The following HDGFL3 variants were observed in gnomAD, a reference collection of about 807,000 sequenced individuals.
The protein encoded by HDGFL3 is hepatoma-derived growth factor-related protein 3.
A neutral mutation model predicts 27.6 loss-of-function variants in HDGFL3; 6 were observed. That is an observed-to-expected ratio of 0.22 (90% confidence interval 0.12 to 0.43). HDGFL3 has a LOEUF of 0.43. HDGFL3 is among the 20% of genes least tolerant of loss of function. The pLI, the probability that HDGFL3 is intolerant of heterozygous loss-of-function variation, is 1.00. For missense variants in HDGFL3, 207 were observed against 250.1 expected (o/e 0.83, Z 1.16); for synonymous variants, 88 against 88.9 (o/e 0.99, Z 0.05).
chr15:83,161,035 A>G (rs1484469898), intron 2 of HDGFL3, among the ~76,000 whole-genome samples: 1 of 152,214 alleles, frequency 6.6e-6, no homozygotes, highest in African/African-American at 2.4e-5. Context: ...GATAAACTGA[A>G]CACAATAAAT....
At chr15:83,164,367 C>CAAAAAAAAAAAAAAAGAAAAAA (rs2037139011) in intron 1 of HDGFL3, among the ~76,000 whole-genome samples, 1 of 38,380 alleles carries the variant, frequency 2.6e-5, no homozygotes, top group Non-Finnish European at 4.8e-5. Flanking sequence ...TTAGAGTAAC[C>CAAAAAAAAAAAAAAAGAAAAAA]AAAAAAAAAA....
intron 4 of HDGFL3, 37 bp downstream of exon 4, chr15:83,157,378 A>C (rs1044289380): frequency 1.3e-6 from 2 of 1,562,144 alleles, no homozygotes; most frequent in Non-Finnish European, 1.8e-6. Context: ...ATGGATATGC[A>C]TATAACATTA....
Position 83,207,375 on chromosome 15 carries a change from G to A in HDGFL3, c.40C>T (p.Leu14=), listed in dbSNP as rs944412563. ...PRPREYKAGD[L]VFAKMKGYPH... ...TAGCCCTTCATCTTGGCGAAGACCA[G>A]GTCGCCCGCTTTGTACTCGCGGGGC... Residue 14 remains leucine, a synonymous_variant, in exon 1 of 6, where the codon CTG becomes TTG. Coordinates refer to ENST00000299633, the MANE Select transcript of HDGFL3 (RefSeq NM_016073.4). The surrounding 1 kb of genome is among the most constrained non-coding windows in gnomAD (Gnocchi z 4.8). 6.4e-6 allele frequency: 9 copies of A among 1,403,764 alleles called. No homozygotes were observed. The highest frequency in any genetic ancestry group is 7.5e-6 in the Non-Finnish European group (8 of 1,072,648). The allele number at this position is 1,403,764 out of a possible 1,614,324, so 87.0% of individuals were successfully genotyped here.
chr15:83,178,649 C>A (rs1596560810), intron 1 of HDGFL3, among the ~76,000 whole-genome samples: 1 of 151,920 alleles, frequency 6.6e-6, no homozygotes, highest in East Asian at 1.9e-4. Flanking sequence ...GAGTGAGACC[C>A]TGTCTCAAAA....
At position 83,119,587 on chromosome 15, in the gene HDGFL3, T is replaced by C. The variant is rs760690303; in HGVS notation, c.394-3846A>G. 1.1e-5 allele frequency: 17 copies of C among 1,614,082 alleles called. No individual in the cohort carries two copies. The Admixed American group carries it at 2.0e-4, about 19-fold the overall frequency. On this transcript the variant is annotated intron_variant, in intron 3 of 3. Transcript: ENST00000568294. ...TTAATGCTTTCTTTAGGGTGAACCG[T>C]ATCTGAACACCGCATATGGGCACAT...
chr15:83,127,322 A>C, downstream of HDGFL3: 1 of 1,540,036 alleles, frequency 6.5e-7, no homozygotes, highest in Non-Finnish European at 8.7e-7. Flanking sequence ...GTTAACTGCC[A>C]ATTTGCTGAT....
At chr15:83,187,146 T>C (rs756649637) in intron 1 of HDGFL3, among the ~76,000 whole-genome samples, 1 of 150,362 alleles carries the variant, frequency 6.7e-6, no homozygotes, top group African/African-American at 2.5e-5. Context: ...GAAGCTACTT[T>C]TCTTGGAAAT....
chr15:83,160,392 G>A (rs781660449), intron 2 of HDGFL3, among the ~76,000 whole-genome samples: 4 of 151,952 alleles, frequency 2.6e-5, no homozygotes, highest in African/African-American at 7.3e-5. Context: ...TCACCATGTT[G>A]GCCAGGATGG....
downstream of HDGFL3, among the ~76,000 whole-genome samples, chr15:83,124,455 C>T (rs1441132926): frequency 1.3e-5 from 2 of 151,974 alleles, no homozygotes; most frequent in East Asian, 1.9e-4. Flanking sequence ...AAGAGCCCTT[C>T]GAGAGATCAT....
In HDGFL3 at chr15:83,151,349, G is replaced by C. The variant is rs1225283916; in HGVS notation, c.472C>G (p.Gln158Glu). The C allele has an allele frequency of 6.2e-7, 1 of 1,607,842 alleles. No individual in the cohort carries two copies. Among genetic ancestry groups the C allele is most frequent in the Non-Finnish European group, 8.5e-7 (1 of 1,178,110 alleles). Residue 158 changes from glutamine (Q) to glutamate (E), a missense_variant, in exon 5 of 6, where the codon CAG becomes GAG. Gln to Glu is a conservative substitution (Grantham distance 29, BLOSUM62 2). Transcript: ENST00000299633. ...KSYTSKKSSK[Q>E]SRKSPGDEDD... is the part of the protein sequence containing the mutation. ...TCATCTCCTGGAGATTTCCGGGACT[G>C]TTTAGAGGATTTCTAAATGTTTAGA...
At chr15:83,176,370 TCAGG>T (rs2037311149) in intron 1 of HDGFL3, among the ~76,000 whole-genome samples, 1 of 152,236 alleles carries the variant, frequency 6.6e-6, no homozygotes, top group African/African-American at 2.4e-5. Flanking sequence ...ATAAGAATTT[TCAGG>T]AAATAAAAAA....
chr15:83,126,686 T>G (rs759622324), downstream of HDGFL3: 94 of 1,294,228 alleles, frequency 7.3e-5, no homozygotes, highest in Non-Finnish European at 1.0e-4. Context: ...CTGGCACATT[T>G]AGCCTTATCA....
chr15:83,126,855 A>C (rs771988826), downstream of HDGFL3: 6 of 1,595,772 alleles, frequency 3.8e-6, no homozygotes, highest in East Asian at 1.3e-4. Flanking sequence ...CAGGTCAAGT[A>C]GTTATGAAGC....
rs1306966401 is a variant in HDGFL3, at chr15:83,135,509, G to C, written c.*3761C>G. 2.0e-5 allele frequency: 3 copies of C among 152,140 alleles called. No homozygotes were observed. Among genetic ancestry groups the C allele is most frequent in the Admixed American group, 2.0e-4 (3 of 15,270 alleles). The allele number at this position is 152,140 out of a possible 1,614,324, so 9.4% of individuals were successfully genotyped here. ...TGTATCTTGAATTTCAGCAAGATAT[G>C]AAAATGCAGACTCCAGGGGTACATT... On this transcript the variant is annotated 3_prime_UTR_variant, in exon 6 of 6. Transcript: ENST00000299633.
rs1443452560 is a variant in HDGFL3 at position 83,130,081 on chromosome 15, C to T, written c.*9189G>A. 2 of 152,200 alleles carry T rather than the reference C, an allele frequency of 1.3e-5. No individual in the cohort carries two copies. The allele number at this position is 152,200 out of a possible 1,614,324, so 9.4% of individuals were successfully genotyped here. On this transcript the variant is annotated 3_prime_UTR_variant, in exon 6 of 6. Coordinates refer to ENST00000299633, the MANE Select transcript of HDGFL3 (RefSeq NM_016073.4). Reference sequence around the variant, plus strand: ...GTGCCTGGTCGGCCTGGTACCAGTCCCTGATGCAGGAATGCTAAGTGTCAT... The same window carrying T: ...GTGCCTGGTCGGCCTGGTACCAGTCTCTGATGCAGGAATGCTAAGTGTCAT...
intron 1 of HDGFL3, among the ~76,000 whole-genome samples, chr15:83,203,354 T>C (rs1287524490): frequency 2.0e-5 from 3 of 152,064 alleles, no homozygotes; most frequent in Admixed American, 6.5e-5. Context: ...GTTGACACTA[T>C]TAATAGTATT....
chr15:83,146,920 T>C (rs1188796975), intron 5 of HDGFL3, among the ~76,000 whole-genome samples: 4 of 152,170 alleles, frequency 2.6e-5, no homozygotes, highest in Admixed American at 6.5e-5. Context: ...CTTAAGAAAA[T>C]AGAAGCAATC....
rs944978469 is a variant in HDGFL3 at position 83,128,245 on chromosome 15, T to A, written c.*11025A>T. The A allele has an allele frequency of 6.6e-6, 1 of 152,228 alleles. No homozygotes were observed. The highest frequency in any genetic ancestry group is 2.4e-5 in the African/African-American group (1 of 41,454). The allele number at this position is 152,228 out of a possible 1,614,324, so 9.4% of individuals were successfully genotyped here. ...TGTACAGTCAATTATATGCATGGTA[T>A]AATAATCATGATCGTAAGACATACT... On this transcript the variant is annotated 3_prime_UTR_variant, in exon 6 of 6. Coordinates refer to ENST00000299633, the MANE Select transcript of HDGFL3 (RefSeq NM_016073.4).
In HDGFL3 at chr15:83,134,605, A is replaced by C. The variant is rs2036490015; in HGVS notation, c.*4665T>G. The C allele has an allele frequency of 6.6e-6, 1 of 152,236 alleles. No homozygotes were observed. The highest frequency in any genetic ancestry group is 1.9e-4 in the East Asian group (1 of 5,196). 9.4% of individuals were successfully genotyped at this position (152,236 alleles called of 1,614,324 possible). A position where few individuals can be genotyped will look rare whatever the true frequency, so the allele number is the denominator to read the frequency against. ...ACTGGTTAGTGCAGGAAAAGAGCCT[A>C]CGGAATCACTGACTTTTTACACAGG... On this transcript the variant is annotated 3_prime_UTR_variant, in exon 6 of 6. Coordinates refer to ENST00000299633, the MANE Select transcript of HDGFL3 (RefSeq NM_016073.4).
Sources: gnomAD v4.1 joint callset for allele counts (sites outside exome capture counted in the v4.1 genomes callset) on GRCh38, gnomAD v4.1.1 for gene constraint, Gnocchi (gnomAD v3.1) non-coding constraint, MANE v1.5 for transcripts, NCBI Gene and HGNC (gene_info 2026-07-23, HGNC 2026-07-21) for gene names.